Variants in SERPINC1 observed in about 807,000 individuals in gnomAD.
SERPINC1 encodes antithrombin-III.
In SERPINC1, 12 loss-of-function variants were observed where a neutral mutation model predicts 43.4. The observed-to-expected ratio is 0.28, with a 90% CI of 0.18 to 0.45. The LOEUF is 0.45. Ranked by LOEUF, SERPINC1 falls within the 20% of genes least tolerant of loss-of-function variation. The pLI is 1.00. For synonymous variants in SERPINC1, 210 were observed against 218.9 expected, an observed-to-expected ratio of 0.96 and a Z score of 0.36; for missense variants, 423 against 578.8, an observed-to-expected ratio of 0.73 and a Z score of 2.76.
At chr1:173,908,817 C>A (rs948717619) in intron 5 of SERPINC1, among the ~76,000 whole-genome samples, 1 of 152,168 alleles carries the variant, frequency 6.6e-6, no homozygotes, top group South Asian at 2.1e-4. Context: ...ACCTCAGCCT[C>A]CCAAAGTGCT....
Position 173,914,821 on chromosome 1 carries a change from A to G in SERPINC1, c.140T>C (p.Ile47Thr). The G allele has an allele frequency of 6.2e-7, 1 of 1,614,172 alleles. No individual in the cohort carries two copies. Among genetic ancestry groups the G allele is most frequent in the Non-Finnish European group, 8.5e-7 (1 of 1,180,012 alleles). ...GTAAATGCACATGGGATTCATGGGA[A>G]TGTCCCGCGGCTTGGCTGTGCAGAT... ...VDICTAKPRD[I>T]PMNPMCIYRS... Residue 47 changes from isoleucine to threonine, a missense_variant, in exon 2 of 7, where the codon ATT becomes ACT. Transcript: ENST00000367698.
At chr1:173,905,942 G>A (rs1380927696) in intron 6 of SERPINC1, among the ~76,000 whole-genome samples, 2 of 151,994 alleles carry the variant, frequency 1.3e-5, no homozygotes, top group African/African-American at 2.4e-5. Context: ...ACATTTCCTC[G>A]CTCCCGTTAA....
chr1:173,915,181 C>T (rs538275042), intron 1 of SERPINC1: 7 of 1,353,634 alleles, frequency 5.2e-6, no homozygotes, highest in African/African-American at 1.5e-5. Context: ...TGCTCAATTC[C>T]CCACGCTGGG....
chr1:173,908,412 T>C (rs1021318386), intron 5 of SERPINC1, among the ~76,000 whole-genome samples: 2 of 141,962 alleles, frequency 1.4e-5, no homozygotes, highest in Admixed American at 1.5e-4. Context: ...ATCACTTGAA[T>C]CTGGGGGGTG....
chr1:173,916,569 G>C (rs1481815144), intron 1 of SERPINC1, among the ~76,000 whole-genome samples: 1 of 151,488 alleles, frequency 6.6e-6, no homozygotes, highest in Admixed American at 6.5e-5. Context: ...ACTGCCTTCG[G>C]TTGCCCACTC....
intron 5 of SERPINC1, among the ~76,000 whole-genome samples, chr1:173,908,275 A>C (rs944150052): frequency 1.3e-5 from 2 of 151,738 alleles, no homozygotes; most frequent in African/African-American, 4.8e-5. Flanking sequence ...AGATCGCCTG[A>C]GGTCAGGAGT....
At chr1:173,904,621 C>T (rs1478984886) in intron 6 of SERPINC1, among the ~76,000 whole-genome samples, 1 of 152,102 alleles carries the variant, frequency 6.6e-6, no homozygotes, top group Non-Finnish European at 1.5e-5. Flanking sequence ...GAGGGAAACA[C>T]CTTCAGAAAA....
chr1:173,903,825 T>G lies in SERPINC1; in HGVS notation c.*64A>C. On this transcript the variant is annotated 3_prime_UTR_variant, in exon 7 of 7. Transcript: ENST00000367698. ...TTTATAATGTGAGATGGAAGTAGTT[T>G]GTATTTATTTTTACTTCTGTTCACA... The G allele has an allele frequency of 7.3e-7, 1 of 1,369,966 alleles. No individual in the cohort carries two copies. Among genetic ancestry groups the G allele is most frequent in the Non-Finnish European group, 1.0e-6 (1 of 960,092 alleles). The allele number at this position is 1,369,966 out of a possible 1,614,324, so 84.9% of individuals were successfully genotyped here.
chr1:173,907,545 G>A, intron 5 of SERPINC1, 31 bp from the exon 6 acceptor site: 1 of 1,582,184 alleles, frequency 6.3e-7, no homozygotes, highest in Non-Finnish European at 8.7e-7. Context: ...GTCTTTGTGA[G>A]ATGGGAGAAA....
intron 3 of SERPINC1, among the ~76,000 whole-genome samples, chr1:173,911,574 T>C (rs1182085055): frequency 6.6e-6 from 1 of 152,216 alleles, no homozygotes; most frequent in Non-Finnish European, 1.5e-5. Flanking sequence ...GAAGAATTGA[T>C]TATTAATTCA....
Position 173,904,069 on chromosome 1 carries a change from C to A in SERPINC1, c.1219-4G>T, listed in dbSNP as rs746232169. On this transcript the variant is annotated splice_region_variant and splice_polypyrimidine_tract_variant and intron_variant, in intron 6 of 6. Coordinates refer to ENST00000367698, the MANE Select transcript of SERPINC1 (RefSeq NM_000488.4). ...CTTCACTGCCTTCTTCATTTACCTG[C>A]AGGTCACATGGGAAATAAAACTAAA... The A allele has an allele frequency of 1.2e-6, 2 of 1,614,094 alleles. No homozygotes were observed. The highest frequency in any genetic ancestry group is 1.7e-6 in the Non-Finnish European group (2 of 1,179,934).
intron 6 of SERPINC1, among the ~76,000 whole-genome samples, chr1:173,906,020 C>CTCTT (rs1237947820): frequency 6.6e-6 from 1 of 152,210 alleles, no homozygotes; most frequent in East Asian, 1.9e-4. Flanking sequence ...TGAAACCTTT[C>CTCTT]TCTTTGACTA....
At chr1:173,912,100 C>T (rs923696662) in intron 2 of SERPINC1, 86 bp from the exon 3 acceptor site, 3 of 905,374 alleles carry the variant, frequency 3.3e-6, no homozygotes, top group South Asian at 1.3e-5. Context: ...CAGTCTCTGA[C>T]TAATAGCCAC....
chr1:173,907,939 C>G (rs1657590188), intron 5 of SERPINC1, among the ~76,000 whole-genome samples: 1 of 150,558 alleles, frequency 6.6e-6, no homozygotes, highest in Non-Finnish European at 1.5e-5. Flanking sequence ...CAAGATCACG[C>G]CACTGCACTC....
At chr1:173,911,324 A>G (rs1360193764) in intron 3 of SERPINC1, among the ~76,000 whole-genome samples, 2 of 152,196 alleles carry the variant, frequency 1.3e-5, no homozygotes, top group African/African-American at 4.8e-5. Context: ...AGAAATGCCC[A>G]TGCAGTCAAA....
At chr1:173,915,090 T>C in intron 1 of SERPINC1, 171 bp from the exon 2 acceptor site, 2 of 1,476,368 alleles carry the variant, frequency 1.4e-6, no homozygotes, top group Non-Finnish European at 1.8e-6. Context: ...AGTCCTAGAC[T>C]TCTTGCCAGG....
rs1435605964 is a variant in SERPINC1, at chr1:173,909,829, A to G, written c.876T>C (p.Tyr292=). 2 of 1,614,110 alleles carry G rather than the reference A, an allele frequency of 1.2e-6. No homozygotes were observed. Among genetic ancestry groups the G allele is most frequent in the South Asian group, 2.2e-5 (2 of 91,080 alleles). The part of the protein sequence containing the change: ...SMMYQEGKFR[Y]RRVAEGTQVL... ...CCTGGGTGCCTTCAGCCACGCGCCGATAACGGAACTTGCCTTCCTGGTACA... is the reference window on the plus strand; with the variant it reads ...CCTGGGTGCCTTCAGCCACGCGCCGGTAACGGAACTTGCCTTCCTGGTACA... Residue 292 remains tyrosine (Y), a synonymous_variant, in exon 5 of 7, where the codon TAT becomes TAC. Transcript: ENST00000367698.
In SERPINC1 at chr1:173,903,923, A is replaced by C. The variant is rs1359392415; in HGVS notation, c.1361T>G (p.Phe454Cys). 6.2e-7 allele frequency: 1 copy of C among 1,614,128 alleles called. No individual in the cohort carries two copies. The highest frequency in any genetic ancestry group is 1.3e-5 in the African/African-American group (1 of 74,944). Residue 454 changes from phenylalanine to cysteine, a missense_variant, in exon 7 of 7, where the codon TTC (phenylalanine) becomes TGC (cysteine). Physicochemically the swap from Phe to Cys is radical, Grantham distance 205. Coordinates refer to ENST00000367698, the MANE Select transcript of SERPINC1 (RefSeq NM_000488.4). ...ACAAGGGTTGGCTACTCTGCCCATG[A>C]AGATAATAGTGTTCAGAGGAACTTC... ...IREVPLNTII[F>C]MGRVANPCVK
intron 6 of SERPINC1, among the ~76,000 whole-genome samples, chr1:173,904,999 G>T (rs1264106067): frequency 6.6e-6 from 1 of 152,134 alleles, no homozygotes; most frequent in Non-Finnish European, 1.5e-5. Flanking sequence ...AAGAACCATG[G>T]AAAAATCTTA....
Sources: gnomAD v4.1 joint callset for allele counts (sites outside exome capture counted in the v4.1 genomes callset) on GRCh38, gnomAD v4.1.1 for gene constraint, MANE v1.5 for transcripts, NCBI Gene and HGNC (gene_info 2026-07-23, HGNC 2026-07-21) for gene names.